Variants in DUOX2 observed in about 807,000 individuals in gnomAD.
The protein encoded by DUOX2 is NADH/NADPH thyroid oxidase p138-tox.
DUOX2 carries 185 observed loss-of-function variants against 183.3 expected under a neutral mutation model. The ratio of observed to expected loss-of-function variants is 1.01; its 90% confidence interval spans 0.90 to 1.14. The LOEUF (loss-of-function observed/expected upper bound fraction) is 1.14. Ranked by LOEUF, DUOX2 falls within the 50% of genes most tolerant of loss-of-function variation. The pLI, the probability that DUOX2 is intolerant of heterozygous loss-of-function variation, is 0.00. For missense variants in DUOX2, 1,999 were observed against 2,022.9 expected (o/e 0.99, Z 0.23); for synonymous variants, 788 against 812.4 (o/e 0.97, Z 0.51).
chr15:45,105,347 C>T (rs1053120492), intron 18 of DUOX2, among the ~76,000 whole-genome samples: 2 of 152,186 alleles, frequency 1.3e-5, no homozygotes, highest in African/African-American at 2.4e-5. Flanking sequence ...CAGAGGCCAA[C>T]CTCTGTGTAC....
At position 45,106,606 on chromosome 15, in the gene DUOX2, G is replaced by A. The variant is rs142226749; in HGVS notation, c.1867C>T (p.Arg623Trp). 51 of 1,613,952 alleles carry A rather than the reference G, an allele frequency of 3.2e-5. 1 individual carries two copies. In the African/African-American group the frequency reaches 3.6e-4, roughly 11 times the overall value. The change falls in exon 16 of 34, where the codon CGG becomes TGG. Residue 623 changes from arginine to tryptophan, a missense_variant. Arg to Trp is a moderately radical substitution (Grantham distance 101, BLOSUM62 -3). This residue lies in a region of DUOX2 where 1,628 missense variants were observed against 1,608.6 expected (regional missense o/e 1.01). Transcript: ENST00000389039. ...TGTAGCTTCTTGTGTTCTCGGCCCC[G>A]GAAATAGGCCACCACTCCAGAGAGA... ...LLLSGVVAYF[R>W]GREHKKLQKK... is the part of the protein sequence containing the mutation.
chr15:45,110,191 A>G (rs1894342755), intron 9 of DUOX2, among the ~76,000 whole-genome samples: 1 of 152,042 alleles, frequency 6.6e-6, no homozygotes, highest in Non-Finnish European at 1.5e-5. Flanking sequence ...GAAGGGAATG[A>G]CCCAGCTGCT....
intron 23 of DUOX2, 108 bp from the exon 24 acceptor site, chr15:45,100,336 C>T (rs935475496): frequency 2.0e-5 from 22 of 1,090,702 alleles, no homozygotes; most frequent in African/African-American, 1.6e-4. Flanking sequence ...CAGGATGGGC[C>T]ACAACAGATG....
intron 15 of DUOX2, 63 bp downstream of exon 15, chr15:45,106,769 C>A: frequency 6.3e-7 from 1 of 1,599,702 alleles, no homozygotes; most frequent in African/African-American, 1.3e-5. Flanking sequence ...AATAGCCAGC[C>A]CCTCAGGCCA....
rs145038941 is a variant in DUOX2 at position 45,101,261 on chromosome 15, G to C, written c.2865C>G (p.Ile955Met). 1 of 1,613,330 alleles carries C rather than the reference G, an allele frequency of 6.2e-7. No homozygotes were observed. The highest frequency in any genetic ancestry group is 8.5e-7 in the Non-Finnish European group (1 of 1,179,780). ...CTCGACAGCTGATGTTTTGTTTAAA[G>C]ATATCTCTAATACCTAGAGAAAAGA... ...GGGGGNGIRDIFKQNISCRVS... is the reference protein window; with the variant it reads ...GGGGGNGIRDMFKQNISCRVS... The change falls in exon 22 of 34, where the codon ATC becomes ATG. Residue 955 changes from isoleucine to methionine, a missense_variant. Physicochemically the swap from Ile to Met is conservative, Grantham distance 10. Transcript: ENST00000389039.
chr15:45,100,853 T>C lies in DUOX2; in HGVS notation c.2922-15A>G, dbSNP rs572227292. ...GGGGGTGGGAGCTGAGAAAAAGAAA[T>C]GGGGCTGTTCTCCCCTTGTCTTTGC... On this transcript the variant is annotated splice_polypyrimidine_tract_variant and intron_variant, in intron 22 of 33. Coordinates refer to ENST00000389039, the MANE Select transcript of DUOX2 (RefSeq NM_001363711.2). 4 of 1,574,580 alleles carry C rather than the reference T, an allele frequency of 2.5e-6. No individual in the cohort carries two copies. In the South Asian group the frequency reaches 4.4e-5, roughly 17 times the overall value.
At chr15:45,097,928 A>G (rs1893949864) in intron 27 of DUOX2, 81 bp downstream of exon 27, 1 of 1,543,182 alleles carries the variant, frequency 6.5e-7, no homozygotes, top group Admixed American at 1.7e-5. Context: ...CATGGCCAGT[A>G]TAGACAAGTG....
intron 1 of DUOX2, 27 bp from the exon 2 acceptor site, chr15:45,113,452 G>T: frequency 6.5e-7 from 1 of 1,544,682 alleles, no homozygotes. Flanking sequence ...GGGGTGGTAG[G>T]TGGTATGCGA....
At chr15:45,100,936 G>A (rs1415121463) in intron 22 of DUOX2, 98 bp from the exon 23 acceptor site, 6 of 823,850 alleles carry the variant, frequency 7.3e-6, no homozygotes, top group Middle Eastern at 2.8e-4. Flanking sequence ...GTGGCTCCTG[G>A]TACCAGGCAG....
At position 45,111,571 on chromosome 15, in the gene DUOX2, C is replaced by A. The variant is rs754006335; in HGVS notation, c.528G>T (p.Thr176=). The A allele has an allele frequency of 4.2e-5, 65 of 1,544,934 alleles. No individual in the cohort carries two copies. The East Asian group carries it at 1.1e-3, about 27-fold the overall frequency. The change falls in exon 6 of 34, where the codon ACG becomes ACT. Residue 176 remains threonine (T), a synonymous_variant. Coordinates refer to ENST00000389039, the MANE Select transcript of DUOX2 (RefSeq NM_001363711.2). ...AGATGGCGCTGCCGTCCAGCCAGCCCGTCACCTGGTTGGCCTGCGGGGCAC... is the reference window on the plus strand; with the variant it reads ...AGATGGCGCTGCCGTCCAGCCAGCCAGTCACCTGGTTGGCCTGCGGGGCAC... The part of the protein sequence containing the change: ...SNPRDLANQV[T]GWLDGSAIYG...
At chr15:45,101,525 T>G in intron 21 of DUOX2, 1 of 625,992 alleles carries the variant, frequency 1.6e-6, no homozygotes, top group Non-Finnish European at 2.8e-6. Flanking sequence ...ACAATGCCTC[T>G]TCCTCTGGCC....
In DUOX2 at chr15:45,094,258, C is replaced by G. The variant is rs201720469; in HGVS notation, c.4539G>C (p.Gly1513=). ...TTCCTGGAGGGCCGCAGCTGAACAC[C>G]CCGATCTTGCGCACCTGTCAGGAGA... ...QEVHPQVRKI[G]VFSCGPPGMT... Residue 1513 remains glycine, a synonymous_variant, in exon 34 of 34, where the codon GGG becomes GGC. Coordinates refer to ENST00000389039, the MANE Select transcript of DUOX2 (RefSeq NM_001363711.2). The G allele has an allele frequency of 6.2e-7, 1 of 1,614,176 alleles. No homozygotes were observed. The highest frequency in any genetic ancestry group is 8.5e-7 in the Non-Finnish European group (1 of 1,180,032).
chr15:45,106,322 C>T lies in DUOX2; in HGVS notation c.1951G>A (p.Glu651Lys). The change falls in exon 17 of 34, where the codon GAG (glutamate) becomes AAG (lysine). Residue 651 changes from glutamate (E) to lysine (K), a missense_variant. Physicochemically the swap from Glu to Lys is moderately conservative, Grantham distance 56. Coordinates refer to ENST00000389039, the MANE Select transcript of DUOX2 (RefSeq NM_001363711.2). ...EAAKDGVPAM[E>K]WPGPKERSSP... ...CTCCTCTCCTTGGGGCCTGGCCACT[C>T]CATCGCTGGGGAAGGGATAATTGGG... 1.9e-6 allele frequency: 3 copies of T among 1,613,966 alleles called. No individual in the cohort carries two copies. The highest frequency in any genetic ancestry group is 2.5e-6 in the Non-Finnish European group (3 of 1,180,034).
Position 45,107,408 on chromosome 15 carries a change from G to A in DUOX2, c.1630C>T (p.Leu544=), listed in dbSNP as rs1894248084. ...GGGTCAATGTTGATAACAGCGACCAGCACGTCCCGCAGGGTGGTATTTCGG... is the reference window on the plus strand; with the variant it reads ...GGGTCAATGTTGATAACAGCGACCAACACGTCCCGCAGGGTGGTATTTCGG... The part of the protein sequence containing the change: ...DIRNTTLRDV[L]VAVINIDPSA... Residue 544 remains leucine, a synonymous_variant, in exon 14 of 34, where the codon CTG becomes TTG. Coordinates refer to ENST00000389039, the MANE Select transcript of DUOX2 (RefSeq NM_001363711.2). 6.2e-7 allele frequency: 1 copy of A among 1,614,244 alleles called. No homozygotes were observed. The highest frequency in any genetic ancestry group is 8.5e-7 in the Non-Finnish European group (1 of 1,180,048).
In DUOX2 at chr15:45,099,814, G is replaced by A. The variant is rs1287944598; in HGVS notation, c.3263C>T (p.Ala1088Val). ...VGIILSRGTA[A>V]SVSFMFSYIL... ...ATAAGAGAACATGAAGGAGACGCTG[G>A]CCGCCGTGCCTCGTGACAGGATGAT... is the stretch of plus-strand genomic sequence containing the variant. Residue 1088 changes from alanine to valine, a missense_variant, in exon 25 of 34, where the codon GCC (alanine) becomes GTC (valine). Transcript: ENST00000389039. 1.9e-6 allele frequency: 3 copies of A among 1,614,186 alleles called. No individual in the cohort carries two copies. The South Asian group carries it at 3.3e-5, about 18-fold the overall frequency.
chr15:45,103,239 G>A (rs1894125355), intron 20 of DUOX2, among the ~76,000 whole-genome samples: 1 of 152,226 alleles, frequency 6.6e-6, no homozygotes, highest in East Asian at 1.9e-4. Context: ...TTGAAATAAT[G>A]TGGGCTGTTA....
rs1331196838 is a variant in DUOX2, at chr15:45,112,867, C to T, written c.160+120G>A. On this transcript the variant is annotated intron_variant, in intron 3 of 33. Coordinates refer to ENST00000389039, the MANE Select transcript of DUOX2 (RefSeq NM_001363711.2). ...TTGGCCCCGGGAGCGCATAAGATTG[C>T]GCTGTGTAGGCAGCGGAGCTGCTGG... 4 of 1,540,662 alleles carry T rather than the reference C, an allele frequency of 2.6e-6. No individual in the cohort carries two copies. In the African/African-American group the frequency reaches 4.1e-5, roughly 16 times the overall value.
In DUOX2 at chr15:45,108,229, C is replaced by A; in HGVS notation, c.1399-7G>T. On this transcript the variant is annotated splice_polypyrimidine_tract_variant and splice_region_variant and intron_variant, in intron 12 of 33. Coordinates refer to ENST00000389039, the MANE Select transcript of DUOX2 (RefSeq NM_001363711.2). ...CAGCTGTGGCCTCCAGCACCTGGGG[C>A]ACCACAGGAGATAAGGGGTGAGCGT... 6.2e-7 allele frequency: 1 copy of A among 1,614,024 alleles called. No homozygotes were observed. Among genetic ancestry groups the A allele is most frequent in the Non-Finnish European group, 8.5e-7 (1 of 1,180,008 alleles).
At chr15:45,096,236 AT>A (rs1453612980) in intron 29 of DUOX2, among the ~76,000 whole-genome samples, 176 bp from the exon 30 acceptor site, 1 of 151,976 alleles carries the variant, frequency 6.6e-6, no homozygotes, top group Non-Finnish European at 1.5e-5. Flanking sequence ...TTCCCAGGTA[AT>A]GCAAGAGCTG....
Sources: gnomAD v4.1 joint callset for allele counts (sites outside exome capture counted in the v4.1 genomes callset) on GRCh38, gnomAD v4.1.1 for gene constraint, gnomAD v4.1.1 regional missense constraint, MANE v1.5 for transcripts, NCBI Gene and HGNC (gene_info 2026-07-23, HGNC 2026-07-21) for gene names.